Variants in TENM3 observed in about 807,000 individuals in gnomAD.
TENM3 encodes the protein teneurin-3.
TENM3 carries 63 observed loss-of-function variants against 255.1 expected under a neutral mutation model. The ratio of observed to expected loss-of-function variants is 0.25; its 90% CI spans 0.20 to 0.30. The LOEUF is 0.30. Among genes scored for constraint, TENM3 ranks in the 10% least tolerant of loss-of-function variants. The pLI is 1.00. For missense variants in TENM3, 2,929 were observed against 3,461.1 expected, an observed-to-expected ratio of 0.85 and a Z score of 3.86; for synonymous variants, 1,306 against 1,322.3, an observed-to-expected ratio of 0.99 and a Z score of 0.27.
rs368111864 is a variant in TENM3, at chr4:182,682,039, T to G, written c.2035+25T>G. 2.7e-5 allele frequency: 43 copies of G among 1,594,420 alleles called. No individual in the cohort carries two copies. The African/African-American group carries it at 5.1e-4, about 19-fold the overall frequency. On this transcript the variant is annotated intron_variant, in intron 11 of 27. Coordinates refer to ENST00000511685, the MANE Select transcript of TENM3 (RefSeq NM_001080477.4). ...GGTGAGGTTAATAAATGCAGTACAA[T>G]CGAGTTGCTTAATACTGTTTGGCTA...
intron 1 of TENM3, among the ~76,000 whole-genome samples, chr4:182,222,397 C>G (rs188131197): frequency 2.4e-4 from 37 of 152,364 alleles, no homozygotes; most frequent in African/African-American, 7.2e-4. Context: ...TCCAAACCAA[C>G]AGCAAAATTC....
In TENM3 at chr4:182,653,849, A is replaced by T; in HGVS notation, c.1067A>T (p.Asp356Val). ...TTTGAGAATGGAAAAGTGAATTCTG[A>T]TACCATGCCAACAAACACTGTGTCA... ...DTFENGKVNSDTMPTNTVSLP... is the reference protein window; with the variant it reads ...DTFENGKVNSVTMPTNTVSLP... The change falls in exon 6 of 28, where the codon GAT (aspartate) becomes GTT (valine). Residue 356 changes from aspartate to valine, a missense_variant. By Grantham distance (152) the Asp-to-Val change is radical. This residue lies in a region of TENM3 where 1,608 missense variants were observed against 1,884.4 expected (regional missense o/e 0.85). Coordinates refer to ENST00000511685, the MANE Select transcript of TENM3 (RefSeq NM_001080477.4). 1 of 1,613,416 alleles carries T rather than the reference A, an allele frequency of 6.2e-7. No homozygotes were observed. Among genetic ancestry groups the T allele is most frequent in the African/African-American group, 1.3e-5 (1 of 75,038 alleles).
At chr4:182,337,827 C>T (rs1191540051) in intron 2 of TENM3, among the ~76,000 whole-genome samples, 1 of 152,184 alleles carries the variant, frequency 6.6e-6, no homozygotes, top group East Asian at 1.9e-4. Context: ...TCTACAGATA[C>T]TTGCAACAAT....
the TENM3 span, among the ~76,000 whole-genome samples, chr4:182,102,935 T>A: frequency 6.6e-6 from 1 of 152,212 alleles, no homozygotes; most frequent in African/African-American, 2.4e-5. Context: ...TCAACTGCAT[T>A]ACCTTTTACA....
intron 1 of TENM3, among the ~76,000 whole-genome samples, chr4:182,312,193 G>A (rs141220245): frequency 5.9e-5 from 9 of 152,234 alleles, no homozygotes; most frequent in Admixed American, 2.0e-4. Context: ...ATGAAAAAGC[G>A]TTTAATAAAT....
chr4:182,797,447 A>T (rs908402863), intron 27 of TENM3, among the ~76,000 whole-genome samples: 3 of 152,132 alleles, frequency 2.0e-5, no homozygotes, highest in South Asian at 2.1e-4. Flanking sequence ...CTCAAAAAAA[A>T]AATAATTAAT....
At chr4:181,644,894 C>T in the TENM3 span, among the ~76,000 whole-genome samples, 2 of 151,808 alleles carry the variant, frequency 1.3e-5, no homozygotes, top group Admixed American at 6.6e-5. Flanking sequence ...GCTTGAACAG[C>T]CAAATAAAAA....
the TENM3 span, among the ~76,000 whole-genome samples, chr4:182,105,294 C>T: frequency 6.6e-6 from 1 of 152,202 alleles, no homozygotes; most frequent in Non-Finnish European, 1.5e-5. Flanking sequence ...CAATAGGAGA[C>T]TGCATTTTAA....
At chr4:181,660,147 A>G in the TENM3 span, among the ~76,000 whole-genome samples, 2 of 152,186 alleles carry the variant, frequency 1.3e-5, no homozygotes, top group African/African-American at 4.8e-5. Context: ...AACGTTCCTA[A>G]TTCGCTCTAT....
intron 3 of TENM3, 22 bp downstream of exon 3, chr4:182,346,951 A>G (rs1401871202): frequency 6.5e-7 from 1 of 1,537,868 alleles, no homozygotes; most frequent in East Asian, 2.5e-5. Flanking sequence ...TTTTGGCTTT[A>G]TAATGTTGGC....
the TENM3 span, among the ~76,000 whole-genome samples, chr4:181,811,090 A>G: frequency 6.6e-6 from 1 of 152,170 alleles, no homozygotes; most frequent in Non-Finnish European, 1.5e-5. Context: ...AGGTTGAATT[A>G]TTTTGATTCA....
chr4:181,641,548 G>GTTTATA, the TENM3 span, among the ~76,000 whole-genome samples: 1 of 14,418 alleles, frequency 6.9e-5, no homozygotes, highest in African/African-American at 2.9e-4. Flanking sequence ...ATTCCATGGT[G>GTTTATA]TGTGTGTATA....
intron 1 of TENM3, among the ~76,000 whole-genome samples, chr4:182,224,867 G>T (rs963261264): frequency 6.6e-6 from 1 of 151,948 alleles, no homozygotes; most frequent in South Asian, 2.1e-4. Context: ...CTCCTGAGTG[G>T]CTGGGATTAC....
the TENM3 span, among the ~76,000 whole-genome samples, chr4:181,543,274 T>G: frequency 6.6e-6 from 1 of 152,032 alleles, no homozygotes; most frequent in Non-Finnish European, 1.5e-5. Flanking sequence ...GTCACCAGAA[T>G]TACAGAGCTT....
chr4:181,867,730 T>C, the TENM3 span, among the ~76,000 whole-genome samples: 1 of 152,176 alleles, frequency 6.6e-6, no homozygotes, highest in Non-Finnish European at 1.5e-5. Flanking sequence ...TAGCAATTTT[T>C]CTATTTGTTC....
intron 1 of TENM3, among the ~76,000 whole-genome samples, chr4:182,202,734 A>G (rs780942768): frequency 1.3e-5 from 2 of 152,106 alleles, no homozygotes; most frequent in Non-Finnish European, 2.9e-5. Context: ...TGGCAGAGAG[A>G]GAGAGAGTGC....
chr4:182,228,374 G>GTGTGTGTA (rs1756330364), intron 1 of TENM3, among the ~76,000 whole-genome samples: 1 of 86,482 alleles, frequency 1.2e-5, no homozygotes, highest in African/African-American at 4.8e-5. Context: ...GTGTGTGTGT[G>GTGTGTGTA]TGTGTGTGTG....
At chr4:182,455,587 A>C (rs561434537) in intron 3 of TENM3, among the ~76,000 whole-genome samples, 98 of 114,114 alleles carry the variant, frequency 8.6e-4, no homozygotes, top group African/African-American at 3.2e-3. Flanking sequence ...TTTGAGACCG[A>C]GTCTCACTAG....
At chr4:182,019,114 C>T in the TENM3 span, among the ~76,000 whole-genome samples, 1 of 152,206 alleles carries the variant, frequency 6.6e-6, no homozygotes, top group Admixed American at 6.5e-5. Flanking sequence ...TAACATTTCC[C>T]TTTCCATTTC....
Sources: allele counts gnomAD v4.1 joint callset (sites outside exome capture counted in the v4.1 genomes callset), GRCh38; gene constraint gnomAD v4.1.1; regional missense constraint gnomAD v4.1.1; transcripts MANE v1.5; gene names NCBI Gene and HGNC (gene_info 2026-07-23, HGNC 2026-07-21).